TENM2: variants seen among roughly 807,000 people sequenced by gnomAD.
TENM2 encodes teneurin-2.
TENM2 carries 52 observed loss-of-function variants against 245.2 expected under a neutral mutation model. The ratio of observed to expected loss-of-function variants is 0.21; its 90% CI spans 0.17 to 0.27. The LOEUF is 0.27. Among genes scored for constraint, TENM2 ranks in the 10% least tolerant of loss-of-function variants. The probability of loss-of-function intolerance (pLI) is 1.00; values close to 1 mark genes in which losing one functional copy is unlikely to be tolerated. For missense variants in TENM2, 3,046 were observed against 3,666.8 expected, an observed-to-expected ratio of 0.83 and a Z score of 4.37; for synonymous variants, 1,363 against 1,438.9, an observed-to-expected ratio of 0.95 and a Z score of 1.19.
chr5:167,632,888 T>C lies in TENM2; in HGVS notation c.503-243098T>C, dbSNP rs1489600650. Among the ~76,000 whole-genome samples the C allele has an allele frequency of 3.3e-5, 5 of 152,304 alleles. No individual in the cohort carries two copies. The East Asian group carries it at 9.6e-4, about 29-fold the overall frequency. ...AAGTTTAGATGACTTGGCAAACATG[T>C]TTTATTGCTTTAAAGTGTGGTTTCT... On this transcript the variant is annotated intron_variant, in intron 2 of 28. Coordinates refer to ENST00000518659, the Ensembl canonical transcript of TENM2.
chr5:167,691,943 T>C (rs1757459572), intron 2 of TENM2, among the ~76,000 whole-genome samples: 3 of 152,224 alleles, frequency 2.0e-5, no homozygotes, highest in South Asian at 2.1e-4. Flanking sequence ...AAGTTGCCCG[T>C]GTGGTTAAAG....
the TENM2 span, among the ~76,000 whole-genome samples, chr5:167,185,149 G>T: frequency 6.6e-6 from 1 of 152,028 alleles, no homozygotes; most frequent in Admixed American, 6.6e-5. Context: ...TTACCCTACT[G>T]TTTCTGTTTC....
chr5:167,210,270 A>T, the TENM2 span, among the ~76,000 whole-genome samples: 1 of 152,092 alleles, frequency 6.6e-6, no homozygotes, highest in Non-Finnish European at 1.5e-5. Flanking sequence ...ATTTCTTACC[A>T]CCTTACTGTG....
intron 2 of TENM2, among the ~76,000 whole-genome samples, chr5:167,859,524 C>G (rs1294579287): frequency 6.1e-5 from 6 of 98,292 alleles, no homozygotes; most frequent in Admixed American, 4.4e-4. Flanking sequence ...TCAGCCCCCC[C>G]ACCCGGCCAG....
chr5:167,085,958 C>T, the TENM2 span, among the ~76,000 whole-genome samples: 1 of 152,282 alleles, frequency 6.6e-6, no homozygotes, highest in East Asian at 1.9e-4. Flanking sequence ...AATATGCTAC[C>T]AAGGATACAA....
chr5:167,976,971 T>C (rs1782488090), intron 4 of TENM2, among the ~76,000 whole-genome samples: 1 of 152,166 alleles, frequency 6.6e-6, no homozygotes, highest in African/African-American at 2.4e-5. Context: ...ATATACACCA[T>C]GGAATACTAT....
the TENM2 span, among the ~76,000 whole-genome samples, chr5:167,272,455 A>T: frequency 2.0e-5 from 3 of 152,192 alleles, no homozygotes; most frequent in African/African-American, 7.2e-5. Flanking sequence ...GGTTTTGTAC[A>T]ACAGTTTTCT....
chr5:167,068,545 A>AT, the TENM2 span, among the ~76,000 whole-genome samples: 5 of 152,142 alleles, frequency 3.3e-5, no homozygotes, highest in Non-Finnish European at 5.9e-5. Flanking sequence ...GATATTTTGC[A>AT]TTTTTTATAT....
chr5:168,233,368 A>G (rs932443048), intron 25 of TENM2, among the ~76,000 whole-genome samples: 5 of 152,274 alleles, frequency 3.3e-5, no homozygotes, highest in East Asian at 3.9e-4. Context: ...TGTGAGCTCC[A>G]TAAGTGCAGG....
rs142015528 is a variant in TENM2 at position 167,644,483 on chromosome 5, T to C, written c.503-231503T>C. Reference sequence around the variant, plus strand: ...TGTTGAAAAAGAGTCAGTAGGTGGATTTGTAATGACAAAACAATAATAGTA... The same window carrying C: ...TGTTGAAAAAGAGTCAGTAGGTGGACTTGTAATGACAAAACAATAATAGTA... On this transcript the variant is annotated intron_variant, in intron 2 of 28. Transcript: ENST00000518659. 4.7e-3 allele frequency among the ~76,000 whole-genome samples: 722 copies of C among 152,298 alleles called. 6 individuals are homozygous for C. In the Middle Eastern group the frequency reaches 0.054, roughly 11 times the overall value.
At position 168,005,897 on chromosome 5, in the gene TENM2, C is replaced by T. The variant is rs2152060471; in HGVS notation, c.1186+12715C>T. On this transcript the variant is annotated intron_variant, in intron 5 of 28. Transcript: ENST00000518659. ...GCAAGCATGCACAAGACAGAAAAGACAGGAGAAGCATTCCTTTGTGTCACT... is the reference window on the plus strand; with the variant it reads ...GCAAGCATGCACAAGACAGAAAAGATAGGAGAAGCATTCCTTTGTGTCACT... Among the ~76,000 whole-genome samples, 3 of 152,220 alleles carry T rather than the reference C, an allele frequency of 2.0e-5. No homozygotes were observed. In the Middle Eastern group the frequency reaches 0.01, roughly 518 times the overall value.
chr5:167,363,996 TAAAG>T (rs1209196602), intron 1 of TENM2, among the ~76,000 whole-genome samples: 4 of 151,732 alleles, frequency 2.6e-5, no homozygotes, highest in Non-Finnish European at 5.9e-5. Context: ...CAAGCACAAT[TAAAG>T]AAATAATAAG....
chr5:167,287,496 A>T (rs1581667610), intron 1 of TENM2: 1 of 152,162 alleles, frequency 6.6e-6, no homozygotes, highest in East Asian at 1.9e-4. Context: ...CTCACATACA[A>T]CCAAGTTTTG....
At chr5:168,097,991 G>A in intron 8 of TENM2, 35 bp from the exon 11 acceptor site, 1 of 1,528,366 alleles carries the variant, frequency 6.5e-7, no homozygotes, top group Non-Finnish European at 9.0e-7. Context: ...AGTAGACAGA[G>A]GAAAAGGTAA....
chr5:168,144,677 G>A (rs971370696), intron 12 of TENM2, among the ~76,000 whole-genome samples: 18 of 151,372 alleles, frequency 1.2e-4, no homozygotes, highest in African/African-American at 4.4e-4. Flanking sequence ...ATGATTTATA[G>A]TCCTTTGGGT....
the TENM2 span, among the ~76,000 whole-genome samples, chr5:167,030,403 C>T: frequency 5.9e-5 from 9 of 152,344 alleles, no homozygotes; most frequent in East Asian, 9.7e-4. Flanking sequence ...ACCTTGCCCA[C>T]ATCACTGCAG....
intron 1 of TENM2, among the ~76,000 whole-genome samples, chr5:167,363,651 A>G (rs1759847515): frequency 6.7e-6 from 1 of 148,404 alleles, no homozygotes; most frequent in Admixed American, 6.9e-5. Flanking sequence ...GAATGGTGTG[A>G]ACCCAGGAGG....
chr5:167,861,388 A>T (rs954484288), intron 2 of TENM2, among the ~76,000 whole-genome samples: 2 of 152,220 alleles, frequency 1.3e-5, no homozygotes, highest in African/African-American at 4.8e-5. Context: ...TTCAGGCACC[A>T]TTTGGAGCCC....
intron 2 of TENM2, among the ~76,000 whole-genome samples, chr5:167,851,351 A>T (rs922335930): frequency 2.6e-5 from 4 of 152,204 alleles, no homozygotes; most frequent in Non-Finnish European, 5.9e-5. Flanking sequence ...AAAAAATCAG[A>T]TTACAAGGAA....
Sources: gnomAD v4.1 joint callset for allele counts (sites outside exome capture counted in the v4.1 genomes callset) on GRCh38, gnomAD v4.1.1 for gene constraint, MANE v1.5 for transcripts, NCBI Gene and HGNC (gene_info 2026-07-23, HGNC 2026-07-21) for gene names.